TENT4A: variants seen among roughly 807,000 people sequenced by gnomAD.
TENT4A encodes DNA polymerase kappa.
In TENT4A, 7 loss-of-function variants were observed where a neutral mutation model predicts 72.8. That is an observed-to-expected ratio of 0.10 (90% confidence interval 0.05 to 0.18). TENT4A has a LOEUF of 0.18. Among genes scored for constraint, TENT4A ranks in the 10% least tolerant of loss-of-function variants. The pLI, the probability that TENT4A is intolerant of heterozygous loss-of-function variation, is 1.00. For synonymous variants in TENT4A, 456 were observed against 434.3 expected, an observed-to-expected ratio of 1.05 and a Z score of -0.62; for missense variants, 831 against 1,017.7, an observed-to-expected ratio of 0.82 and a Z score of 2.50.
At chr5:6,734,368 C>G (rs1741360252) in intron 1 of TENT4A, among the ~76,000 whole-genome samples, 1 of 152,246 alleles carries the variant, frequency 6.6e-6, no homozygotes, top group Non-Finnish European at 1.5e-5. Flanking sequence ...GGGGGCTTTT[C>G]AGGCCAGCCC....
intron 6 of TENT4A, 36 bp downstream of exon 6, chr5:6,743,876 C>A: frequency 1.9e-6 from 3 of 1,607,380 alleles, no homozygotes; most frequent in Non-Finnish European, 2.6e-6. Context: ...TCTGTTGAGA[C>A]ATGTGTAAGA....
At position 6,714,489 on chromosome 5, in the gene TENT4A, C is replaced by A; in HGVS notation, c.506C>A (p.Pro169Gln). ...APGTANGHPG[P>Q]RGPAPAGSPS... ...GGCACAGCCAACGGGCACCCCGGGC[C>A]GCGCGGCCCCGCGCCCGCCGGCTCC... The change falls in exon 1 of 13, where the codon CCG (proline) becomes CAG (glutamine). Residue 169 changes from proline (P) to glutamine (Q), a missense_variant. Coordinates refer to ENST00000230859, the MANE Select transcript of TENT4A (RefSeq NM_006999.6). 1 of 1,184,834 alleles carries A rather than the reference C, an allele frequency of 8.4e-7. No homozygotes were observed. Among genetic ancestry groups the A allele is most frequent in the Non-Finnish European group, 1.0e-6 (1 of 957,830 alleles). The allele number at this position is 1,184,834 out of a possible 1,614,324, so 73.4% of individuals were successfully genotyped here. A position where few individuals can be genotyped will look rare whatever the true frequency, so the allele number is the denominator to read the frequency against.
intron 12 of TENT4A, 66 bp from the exon 13 acceptor site, chr5:6,754,685 T>C (rs1742592877): frequency 2.2e-6 from 3 of 1,342,688 alleles, no homozygotes; most frequent in African/African-American, 1.5e-5. Flanking sequence ...GTGTGGTCAC[T>C]GCCCGAGGAC....
chr5:6,733,262 C>T (rs183243731), intron 1 of TENT4A, among the ~76,000 whole-genome samples: 142 of 152,358 alleles, frequency 9.3e-4, no homozygotes, highest in African/African-American at 3.0e-3. Flanking sequence ...TCTCACTGGC[C>T]GCCTGAGGCT....
At chr5:6,736,863 A>T (rs1426715940) in intron 1 of TENT4A, among the ~76,000 whole-genome samples, 1 of 152,258 alleles carries the variant, frequency 6.6e-6, no homozygotes, top group East Asian at 1.9e-4. Context: ...TGGCCTCTTA[A>T]GGAGAGAATA....
rs1742713576 is a variant in TENT4A, at chr5:6,756,577, C to G, written c.*1632C>G. ...GGCTCACTCTGTCATTGGGAGCTGT[C>G]AGCTGCGACTGCAGGTTCTCTAGGA... On this transcript the variant is annotated 3_prime_UTR_variant, in exon 13 of 13. Coordinates refer to ENST00000230859, the MANE Select transcript of TENT4A (RefSeq NM_006999.6). 1 of 152,440 alleles carries G rather than the reference C, an allele frequency of 6.6e-6. No individual in the cohort carries two copies. Among genetic ancestry groups the G allele is most frequent in the African/African-American group, 2.4e-5 (1 of 41,456 alleles). 9.4% of individuals were successfully genotyped at this position (152,440 alleles called of 1,614,324 possible).
chr5:6,746,883 C>T (rs1742133791), intron 7 of TENT4A, among the ~76,000 whole-genome samples: 2 of 152,182 alleles, frequency 1.3e-5, no homozygotes, highest in African/African-American at 4.8e-5. Context: ...TGACTTAACG[C>T]TTACCCTTGA....
intron 11 of TENT4A, 63 bp downstream of exon 11, chr5:6,751,260 A>G (rs759512551): frequency 5.9e-6 from 9 of 1,528,558 alleles, no homozygotes; most frequent in Non-Finnish European, 8.2e-6. Flanking sequence ...GAGCTGTGAT[A>G]TGCACTAGAG....
At position 6,742,250 on chromosome 5, in the gene TENT4A, G is replaced by A. The variant is rs28381375; in HGVS notation, c.1009-240G>A. Reference sequence around the variant, plus strand: ...CTCCCCTCACGTCTCTTTGATGCTTGGTCACCTCTGGTGCTGATCCAGGGC... The same window carrying A: ...CTCCCCTCACGTCTCTTTGATGCTTAGTCACCTCTGGTGCTGATCCAGGGC... On this transcript the variant is annotated intron_variant, in intron 4 of 12. Coordinates refer to ENST00000230859, the MANE Select transcript of TENT4A (RefSeq NM_006999.6). Among the ~76,000 whole-genome samples the A allele has an allele frequency of 3.1e-3, 475 of 152,198 alleles. 2 individuals are homozygous for A. Among genetic ancestry groups the A allele is most frequent in the African/African-American group, 0.011 (453 of 41,528 alleles).
chr5:6,745,961 G>T lies in TENT4A; in HGVS notation c.1246-253G>T, dbSNP rs894677212. ...GTTAATCAGATATCTGTGTTTGCAG[G>T]AAGTTTGCTGTATGGATTACCAATT... On this transcript the variant is annotated intron_variant, in intron 6 of 12. Transcript: ENST00000230859. 4.0e-6 allele frequency: 5 copies of T among 1,246,414 alleles called. No individual in the cohort carries two copies. The African/African-American group carries it at 7.7e-5, about 19-fold the overall frequency. The allele number at this position is 1,246,414 out of a possible 1,614,324, so 77.2% of individuals were successfully genotyped here. A position where few individuals can be genotyped will look rare whatever the true frequency, so the allele number is the denominator to read the frequency against.
At chr5:6,733,703 G>A (rs975014516) in intron 1 of TENT4A, among the ~76,000 whole-genome samples, 2 of 96,644 alleles carry the variant, frequency 2.1e-5, no homozygotes, top group Non-Finnish European at 5.3e-5. Flanking sequence ...ATGTACTTCT[G>A]TGGCAGACTT....
chr5:6,729,461 G>T (rs1741097691), intron 1 of TENT4A, among the ~76,000 whole-genome samples: 1 of 152,260 alleles, frequency 6.6e-6, no homozygotes, highest in Non-Finnish European at 1.5e-5. Flanking sequence ...AAGTATAGCT[G>T]TTTTCATTTC....
rs1740261301 is a variant in TENT4A at position 6,714,549 on chromosome 5, A to G, written c.566A>G (p.Lys189Arg). Residue 189 changes from lysine to arginine, a missense_variant, in exon 1 of 13, where the codon AAA becomes AGA. Physicochemically the swap from Lys to Arg is conservative, Grantham distance 26. Transcript: ENST00000230859. The part of the protein sequence containing the change: ...SQHQFHPGRR[K>R]RENKASTYGL... ...CACCAGTTCCACCCGGGTCGCCGGA[A>G]ACGCGAGAACAAGGCCAGCACCTAC... The G allele has an allele frequency of 8.4e-7, 1 of 1,194,784 alleles. No homozygotes were observed. Among genetic ancestry groups the G allele is most frequent in the Non-Finnish European group, 1.0e-6 (1 of 964,056 alleles). The allele number at this position is 1,194,784 out of a possible 1,614,324, so 74.0% of individuals were successfully genotyped here. A position where few individuals can be genotyped will look rare whatever the true frequency, so the allele number is the denominator to read the frequency against.
At chr5:6,724,969 C>CTCTT (rs1740837218) in intron 1 of TENT4A, among the ~76,000 whole-genome samples, 4 of 152,220 alleles carry the variant, frequency 2.6e-5, no homozygotes, top group Admixed American at 2.6e-4. Context: ...CGTAGCCTGT[C>CTCTT]TCTTTAGCCA....
chr5:6,734,535 C>CTTA, intron 1 of TENT4A, among the ~76,000 whole-genome samples: 1 of 152,270 alleles, frequency 6.6e-6, no homozygotes, highest in South Asian at 2.1e-4. Flanking sequence ...TTGTCTGACT[C>CTTA]CGTCATCCAA....
At chr5:6,730,775 G>A (rs987899707) in intron 1 of TENT4A, among the ~76,000 whole-genome samples, 55 of 96,354 alleles carry the variant, frequency 5.7e-4, no homozygotes, top group Non-Finnish European at 3.9e-4. Context: ...AAAAAAAAAA[G>A]CCTTGAAGTC....
intron 1 of TENT4A, among the ~76,000 whole-genome samples, chr5:6,722,427 T>G: frequency 1.3e-5 from 2 of 152,188 alleles, no homozygotes. Context: ...CTGAATATTC[T>G]GAGTCTTGGG....
intron 12 of TENT4A, among the ~76,000 whole-genome samples, chr5:6,753,677 C>T (rs1015907863): frequency 4.6e-5 from 7 of 152,240 alleles, no homozygotes; most frequent in East Asian, 1.9e-4. Flanking sequence ...TTGGGCTCTG[C>T]GGATGCTCGG....
chr5:6,739,878 G>A (rs758564884), intron 4 of TENT4A, 26 bp downstream of exon 4: 2 of 1,608,498 alleles, frequency 1.2e-6, no homozygotes, highest in Non-Finnish European at 1.7e-6. Context: ...TGGCCCCTCT[G>A]ACCGGGCAGG....
Sources: gnomAD v4.1 joint callset for allele counts (sites outside exome capture counted in the v4.1 genomes callset) on GRCh38, gnomAD v4.1.1 for gene constraint, MANE v1.5 for transcripts, NCBI Gene and HGNC (gene_info 2026-07-23, HGNC 2026-07-21) for gene names.